Variants in TTC7A observed in about 807,000 individuals in gnomAD.
The protein encoded by TTC7A is tetratricopeptide repeat domain 7A.
A neutral mutation model predicts 103.7 loss-of-function variants in TTC7A; 110 were observed. The observed-to-expected ratio is 1.06, with a 90% CI of 0.91 to 1.24. TTC7A has a LOEUF of 1.24. TTC7A is among the 50% of genes most tolerant of loss of function. TTC7A has a pLI of 0.00. For missense variants in TTC7A, 1,340 were observed against 1,116.3 expected (o/e 1.20, Z -2.86); for synonymous variants, 521 against 467.9 (o/e 1.11, Z -1.47).
intron 2 of TTC7A, among the ~76,000 whole-genome samples, chr2:46,932,669 G>T (rs772848792): frequency 1.3e-5 from 2 of 152,140 alleles, no homozygotes; most frequent in African/African-American, 2.4e-5. Flanking sequence ...GGGAGGCCAA[G>T]ATGGGTGGAT....
In TTC7A at chr2:47,073,761, C is replaced by G. The variant is rs771372965; in HGVS notation, c.2415C>G (p.Ala805=). The change falls in exon 20 of 20, where the codon GCC becomes GCG. Residue 805 remains alanine (A), a synonymous_variant. Transcript: ENST00000319190. The part of the protein sequence containing the change: ...KSLAQKVLRD[A]VERQSTCHEA... The stretch of plus-strand genomic sequence containing the variant: ...TGGCCCAGAAGGTGCTTCGTGATGC[C>G]GTGGAGAGGCAGAGTACGTGCCACG... The G allele has an allele frequency of 1.9e-6, 3 of 1,613,800 alleles. No homozygotes were observed. The highest frequency in any genetic ancestry group is 8.5e-7 in the Non-Finnish European group (1 of 1,180,020).
intron 8 of TTC7A, among the ~76,000 whole-genome samples, chr2:47,001,628 G>A (rs958628117): frequency 5.3e-5 from 8 of 152,046 alleles, no homozygotes; most frequent in Admixed American, 3.3e-4. Context: ...AGGCCGAGGC[G>A]GGCGGATCAC....
intron 18 of TTC7A, among the ~76,000 whole-genome samples, chr2:47,057,844 C>T (rs534804862): frequency 7.2e-5 from 11 of 152,344 alleles, no homozygotes; most frequent in East Asian, 1.9e-4. Flanking sequence ...CCAGCAGCAT[C>T]GACCTAGCCC....
At chr2:47,056,560 G>C (rs1031573204) in intron 18 of TTC7A, among the ~76,000 whole-genome samples, 2 of 152,256 alleles carry the variant, frequency 1.3e-5, no homozygotes, top group African/African-American at 4.8e-5. Flanking sequence ...CCCCTGCCCG[G>C]GGTGGGAGAG....
chr2:47,024,324 C>A lies in TTC7A; in HGVS notation c.1606C>A (p.Leu536Ile), dbSNP rs1473138265. ...QLAPSDPQVI[L>I]YVSLQLALVR... is the part of the protein sequence containing the mutation. ...GGCGCCCAGTGACCCCCAGGTCATC[C>A]TCTATGTCTCGCTGCAGCTGGCCCT... The change falls in exon 14 of 20, where the codon CTC (leucine) becomes ATC (isoleucine). Residue 536 changes from leucine (L) to isoleucine (I), a missense_variant. By Grantham distance (5) the Leu-to-Ile change is conservative. Transcript: ENST00000319190. 2.5e-6 allele frequency: 4 copies of A among 1,609,700 alleles called. No individual in the cohort carries two copies. The African/African-American group carries it at 4.0e-5, about 16-fold the overall frequency.
At chr2:46,927,248 G>A (rs901180526) in intron 2 of TTC7A, among the ~76,000 whole-genome samples, 4 of 150,250 alleles carry the variant, frequency 2.7e-5, no homozygotes, top group African/African-American at 9.8e-5. Context: ...CAAAAAGAGT[G>A]ACAAATCCCA....
intron 15 of TTC7A, among the ~76,000 whole-genome samples, chr2:47,038,355 C>A (rs1681359668): frequency 6.6e-6 from 1 of 152,064 alleles, no homozygotes; most frequent in Non-Finnish European, 1.5e-5. Context: ...CAGACTTGGA[C>A]CCTGCTTTTC....
At chr2:46,928,769 GA>G (rs879845279) in intron 2 of TTC7A, among the ~76,000 whole-genome samples, 42 of 133,308 alleles carry the variant, frequency 3.2e-4, no homozygotes, top group East Asian at 1.3e-3. Context: ...TGTTTCAAAA[GA>G]AAAAAAAAAA....
chr2:46,990,949 G>T (rs535326672), intron 5 of TTC7A, among the ~76,000 whole-genome samples: 1 of 152,280 alleles, frequency 6.6e-6, no homozygotes, highest in Admixed American at 6.5e-5. Flanking sequence ...GTCTTGCTCT[G>T]TTGCCCAGGT....
intron 19 of TTC7A, among the ~76,000 whole-genome samples, chr2:47,072,667 A>G (rs760545139): frequency 2.9e-4 from 44 of 152,324 alleles, no homozygotes; most frequent in Non-Finnish European, 4.9e-4. Flanking sequence ...CCGCCTGTCC[A>G]GGAAGTCGGT....
intron 2 of TTC7A, among the ~76,000 whole-genome samples, chr2:46,933,195 A>G (rs1669802637): frequency 6.6e-6 from 1 of 152,188 alleles, no homozygotes; most frequent in Non-Finnish European, 1.5e-5. Context: ...GAAGCCACTA[A>G]CAAGAATTAA....
chr2:46,921,848 A>C (rs1358145314), intron 2 of TTC7A, among the ~76,000 whole-genome samples: 1 of 152,044 alleles, frequency 6.6e-6, no homozygotes, highest in Non-Finnish European at 1.5e-5. Context: ...TCCTGTGAGA[A>C]TCTCATGCCG....
At chr2:46,993,141 CT>C (rs1168679084) in intron 5 of TTC7A, among the ~76,000 whole-genome samples, 3 of 152,204 alleles carry the variant, frequency 2.0e-5, no homozygotes, top group Non-Finnish European at 4.4e-5. Context: ...GCCCAAGGCT[CT>C]TAGTCCAAGG....
In TTC7A at chr2:46,956,889, G is replaced by T; in HGVS notation, c.399G>T (p.Val133=). 6.2e-7 allele frequency: 1 copy of T among 1,614,190 alleles called. No homozygotes were observed. Among genetic ancestry groups the T allele is most frequent in the South Asian group, 1.1e-5 (1 of 91,084 alleles). Residue 133 remains valine (V), a synonymous_variant, in exon 3 of 20, where the codon GTG becomes GTT. Transcript: ENST00000319190. ...AMLILGKLHY[V]EGSYRDAISM... ...TGATCCTGGGCAAACTGCATTACGTGGAGGGCTCATACCGAGATGCCATCA... is the reference window on the plus strand; with the variant it reads ...TGATCCTGGGCAAACTGCATTACGTTGAGGGCTCATACCGAGATGCCATCA...
At chr2:47,016,691 G>C (rs1678691185) in intron 11 of TTC7A, among the ~76,000 whole-genome samples, 2 of 152,336 alleles carry the variant, frequency 1.3e-5, no homozygotes, top group East Asian at 1.9e-4. Context: ...TGCTGCAGAA[G>C]CAGCAGCCTG....
intron 11 of TTC7A, among the ~76,000 whole-genome samples, chr2:47,014,029 T>C (rs993228254): frequency 1.3e-5 from 2 of 152,210 alleles, no homozygotes; most frequent in African/African-American, 4.8e-5. Context: ...TGTGATCATC[T>C]GTGTTTCTTG....
chr2:47,071,446 T>C (rs1684702851), intron 19 of TTC7A, among the ~76,000 whole-genome samples: 1 of 152,206 alleles, frequency 6.6e-6, no homozygotes, highest in Non-Finnish European at 1.5e-5. Flanking sequence ...GGAAGGACCC[T>C]CTGCTCATCT....
intron 12 of TTC7A, among the ~76,000 whole-genome samples, chr2:47,022,766 C>T (rs540839097): frequency 3.0e-4 from 46 of 152,288 alleles, no homozygotes; most frequent in Non-Finnish European, 4.4e-4. Flanking sequence ...AGTCATCAGC[C>T]CCTTTGTCAA....
chr2:47,072,345 T>A (rs755164758), intron 19 of TTC7A, among the ~76,000 whole-genome samples: 31 of 152,028 alleles, frequency 2.0e-4, no homozygotes, highest in Non-Finnish European at 4.3e-4. Context: ...GACAGCCTCT[T>A]CCTCCCCCGC....
Sources: gnomAD v4.1 joint callset for allele counts (sites outside exome capture counted in the v4.1 genomes callset) on GRCh38, gnomAD v4.1.1 for gene constraint, MANE v1.5 for transcripts, NCBI Gene and HGNC (gene_info 2026-07-23, HGNC 2026-07-21) for gene names.